The following TOM1 variants were observed in gnomAD, a reference collection of about 807,000 sequenced individuals.
TOM1 encodes the protein target of Myb protein 1.
In TOM1, 38 loss-of-function variants were observed where a neutral mutation model predicts 61.3. The ratio of observed to expected loss-of-function variants is 0.62; its 90% CI spans 0.48 to 0.81. TOM1 has a LOEUF of 0.81. Among genes scored for constraint, TOM1 ranks in the 40% least tolerant of loss-of-function variants. The probability of loss-of-function intolerance (pLI) is 0.00; values close to 1 mark genes in which losing one functional copy is unlikely to be tolerated. For missense variants in TOM1, 591 were observed against 659.6 expected (o/e 0.90, Z 1.14); for synonymous variants, 270 against 268.8 (o/e 1.00, Z -0.04).
Position 35,323,321 on chromosome 22 carries a change from T to C in TOM1, c.366+144T>C. The C allele has an allele frequency of 7.2e-7, 1 of 1,392,404 alleles. No homozygotes were observed. Among genetic ancestry groups the C allele is most frequent in the Non-Finnish European group, 9.8e-7 (1 of 1,018,624 alleles). 86.3% of individuals were successfully genotyped at this position (1,392,404 alleles called of 1,614,324 possible). The stretch of plus-strand genomic sequence containing the variant: ...GTCTCGGTTGTCGGCTGGTGGGATG[T>C]TCTGTGGGGAGGGAGGCTTGCCAAC... On this transcript the variant is annotated intron_variant, in intron 4 of 14. Transcript: ENST00000449058. The surrounding 1 kb of genome is among the most constrained non-coding windows in gnomAD (Gnocchi z 4.2).
intron 3 of TOM1, chr22:35,322,744 G>A (rs1250706873): frequency 4.9e-6 from 2 of 406,752 alleles, no homozygotes; most frequent in African/African-American, 2.1e-5. Context: ...ACCATGTTTA[G>A]CTCAGAGACA....
At chr22:35,319,828 C>T (rs923871616) in intron 2 of TOM1, among the ~76,000 whole-genome samples, 5 of 152,202 alleles carry the variant, frequency 3.3e-5, no homozygotes, top group Non-Finnish European at 7.4e-5. Context: ...CAGGACCCCC[C>T]TTGGTGGGCC....
intron 1 of TOM1, among the ~76,000 whole-genome samples, chr22:35,305,620 G>A (rs1280799655): frequency 2.0e-5 from 3 of 150,950 alleles, no homozygotes; most frequent in East Asian, 1.9e-4. Context: ...AGATCACGCC[G>A]CTGCACTCTA....
upstream of TOM1, chr22:35,299,642 G>C: frequency 2.1e-6 from 1 of 485,778 alleles, no homozygotes; most frequent in Non-Finnish European, 3.7e-6. Flanking sequence ...CGCCCTAAAA[G>C]GTCAGGGGCG....
At chr22:35,333,376 A>G in intron 9 of TOM1, 28 bp from the exon 10 acceptor site, 1 of 1,603,768 alleles carries the variant, frequency 6.2e-7, no homozygotes, top group Non-Finnish European at 8.5e-7. Flanking sequence ...GACAGCGGGG[A>G]TGATCAGGGC....
At chr22:35,320,837 C>T (rs1927705879) in intron 2 of TOM1, among the ~76,000 whole-genome samples, 1 of 151,966 alleles carries the variant, frequency 6.6e-6, no homozygotes, top group African/African-American at 2.4e-5. Context: ...GTTGAATGGG[C>T]CAGACATGGT....
chr22:35,333,401 C>T lies in TOM1; in HGVS notation c.934-3C>T. The T allele has an allele frequency of 6.2e-7, 1 of 1,613,676 alleles. No individual in the cohort carries two copies. Among genetic ancestry groups the T allele is most frequent in the Middle Eastern group, 1.7e-4 (1 of 5,998 alleles). On this transcript the variant is annotated splice_region_variant and splice_polypyrimidine_tract_variant and intron_variant, in intron 9 of 14. Transcript: ENST00000449058. The stretch of plus-strand genomic sequence containing the variant: ...ATGATCAGGGCATCTCCCTTCCCAC[C>T]AGGCCCCAAGTGAGGCCGAGCCGGC...
chr22:35,308,823 G>A (rs952692080), intron 1 of TOM1, among the ~76,000 whole-genome samples: 3 of 151,998 alleles, frequency 2.0e-5, no homozygotes, highest in East Asian at 1.9e-4. Context: ...TAGTTACATC[G>A]ACTTTAACAT....
rs963964083 is a variant in TOM1 at position 35,317,787 on chromosome 22, G to T, written c.53-90G>T. 4.4e-6 allele frequency: 4 copies of T among 916,640 alleles called. No homozygotes were observed. In the Admixed American group the frequency reaches 7.0e-5, roughly 16 times the overall value. 56.8% of individuals were successfully genotyped at this position (916,640 alleles called of 1,614,324 possible). On this transcript the variant is annotated intron_variant, in intron 1 of 14. Coordinates refer to ENST00000449058, the MANE Select transcript of TOM1 (RefSeq NM_005488.3). ...CATCTTCCTCCTCCCCATCTCATCC[G>T]GCCCTGCACCCCCCTCCTCTCCCAC...
intron 1 of TOM1, among the ~76,000 whole-genome samples, chr22:35,314,866 G>A (rs1927149580): frequency 1.3e-5 from 2 of 152,190 alleles, no homozygotes; most frequent in South Asian, 2.1e-4. Flanking sequence ...TGATCTCTCT[G>A]TGCTTCAGTT....
rs1926120566 is a variant in TOM1 at position 35,304,303 on chromosome 22, T to TG, written c.52+4324dup. ...AGGACATGTACATGGGTCTCACACT[T>TG]GCAGGCCCCTCCCCTCATCGATGAG... On this transcript the variant is annotated intron_variant, in intron 1 of 14. Coordinates refer to ENST00000449058, the MANE Select transcript of TOM1 (RefSeq NM_005488.3). Among the ~76,000 whole-genome samples, 5 of 152,108 alleles carry TG rather than the reference T, an allele frequency of 3.3e-5. No homozygotes were observed. In the South Asian group the frequency reaches 1.0e-3, roughly 32 times the overall value.
Position 35,323,828 on chromosome 22 carries a change from C to T in TOM1, c.562C>T (p.Gln188Ter), listed in dbSNP as rs1359694486. The T allele has an allele frequency of 3.7e-6, 6 of 1,613,204 alleles. No homozygotes were observed. Among genetic ancestry groups the T allele is most frequent in the Non-Finnish European group, 5.1e-6 (6 of 1,179,510 alleles). The change falls in exon 6 of 15, where the codon CAA becomes TAA. Residue 188 changes from glutamine (Q) to a stop codon, truncating the protein, a stop_gained. Transcript: ENST00000449058. LOFTEE classifies it high-confidence loss of function. This position sits in a 1 kb window ranked among gnomAD's most constrained non-coding sequence, Gnocchi z 4.2. ...QDSVGTDSSQ[Q>*]EDSGQHAAPL... ...TTCTGTGGGCACTGACTCCAGCCAG[C>T]AAGAGGACTCTGGCCAGCATGCTGC... is the stretch of plus-strand genomic sequence containing the variant.
rs536652911 is a variant in TOM1, at chr22:35,300,129, T to A, written c.52+149T>A. 9.3e-4 allele frequency: 812 copies of A among 873,266 alleles called. 16 individuals are homozygous for A. In the South Asian group the frequency reaches 0.013, roughly 14 times the overall value. The allele number at this position is 873,266 out of a possible 1,614,324, so 54.1% of individuals were successfully genotyped here. On this transcript the variant is annotated intron_variant, in intron 1 of 14. Coordinates refer to ENST00000449058, the MANE Select transcript of TOM1 (RefSeq NM_005488.3). ...CCGACCTGGCTCCGCCCAGCTTTCC[T>A]CCCACTCTTGATTGACAAGAACTTG...
chr22:35,320,133 G>A (rs953177886), intron 2 of TOM1, among the ~76,000 whole-genome samples: 3 of 152,128 alleles, frequency 2.0e-5, no homozygotes, highest in Non-Finnish European at 4.4e-5. Flanking sequence ...CACCATCCCT[G>A]CCCTCTAGCA....
chr22:35,342,877 TAC>T (rs1230516820), intron 12 of TOM1, among the ~76,000 whole-genome samples: 1 of 75,894 alleles, frequency 1.3e-5, no homozygotes, highest in Admixed American at 1.4e-4. Context: ...CACACACCCC[TAC>T]ACACACCACA....
At chr22:35,299,658 T>A (rs1925525722), upstream of TOM1, 2 of 502,594 alleles carry the variant, frequency 4.0e-6, no homozygotes, top group Non-Finnish European at 7.1e-6. Context: ...GGGCGTGGCT[T>A]AAAGAGGACC....
chr22:35,321,967 A>G lies in TOM1; in HGVS notation c.146A>G (p.Asp49Gly). The change falls in exon 3 of 15, where the codon GAT becomes GGT. Residue 49 changes from aspartate to glycine, a missense_variant. By Grantham distance (94) the Asp-to-Gly change is moderately conservative. Coordinates refer to ENST00000449058, the MANE Select transcript of TOM1 (RefSeq NM_005488.3). Reference protein sequence around the residue: ...IINETEEGPKDALRAVKKRIV... With the variant: ...IINETEEGPKGALRAVKKRIV... ...TTTCTTGTCCTCCTTAGTCCCAAAG[A>G]TGCCCTCCGAGCAGTAAAGAAGAGA... 6.2e-7 allele frequency: 1 copy of G among 1,614,106 alleles called. No individual in the cohort carries two copies. The highest frequency in any genetic ancestry group is 1.1e-5 in the South Asian group (1 of 91,080).
intron 1 of TOM1, chr22:35,311,242 C>T (rs757871154): frequency 1.3e-5 from 2 of 152,334 alleles, no homozygotes; most frequent in East Asian, 1.9e-4. Context: ...GGAGCAGTCC[C>T]GTGGGAAGGC....
In TOM1 at chr22:35,313,640, C is replaced by T. The variant is rs754587941; in HGVS notation, c.53-4237C>T. On this transcript the variant is annotated intron_variant, in intron 1 of 14. Transcript: ENST00000449058. The stretch of plus-strand genomic sequence containing the variant: ...TCTATGAGTTAGGTCAGGCCAGACT[C>T]GTCCCACTCCACCCTCATCTCCATG... Among the ~76,000 whole-genome samples the T allele has an allele frequency of 2.0e-4, 30 of 152,236 alleles. No individual in the cohort carries two copies. In the East Asian group the frequency reaches 2.1e-3, roughly 11 times the overall value.
Sources: allele counts gnomAD v4.1 joint callset (sites outside exome capture counted in the v4.1 genomes callset), GRCh38; gene constraint gnomAD v4.1.1; non-coding constraint Gnocchi (gnomAD v3.1); transcripts MANE v1.5; gene names NCBI Gene and HGNC (gene_info 2026-07-23, HGNC 2026-07-21).